The following SDC1 variants were observed in gnomAD, a reference collection of about 807,000 sequenced individuals.
SDC1 encodes the protein syndecan-1.
Under a neutral mutation model 29.7 loss-of-function variants are expected in SDC1, and 14 were observed. The observed-to-expected ratio is 0.47, with a 90% CI of 0.31 to 0.74. The LOEUF is 0.74. Ranked by LOEUF, SDC1 falls within the 30% of genes least tolerant of loss-of-function variation. SDC1 has a pLI of 0.05. For missense variants in SDC1, 406 were observed against 400.3 expected, an observed-to-expected ratio of 1.01 and a Z score of -0.12; for synonymous variants, 204 against 175.5, an observed-to-expected ratio of 1.16 and a Z score of -1.29.
chr2:20,206,377 G>A (rs1677272672), intron 1 of SDC1, among the ~76,000 whole-genome samples: 1 of 152,230 alleles, frequency 6.6e-6, no homozygotes, highest in South Asian at 2.1e-4. Flanking sequence ...CCGGGGGCGG[G>A]GGCGGGGAGG....
At chr2:20,220,323 A>C (rs1014540317) in intron 1 of SDC1, among the ~76,000 whole-genome samples, 1 of 152,144 alleles carries the variant, frequency 6.6e-6, no homozygotes. Context: ...GGGAGACTTG[A>C]CAGTCTTGCG....
At position 20,224,514 on chromosome 2, in the gene SDC1, T is replaced by G. The variant is rs1263470725; in HGVS notation, c.66+288A>C. ...GGGAACGGGCGACCCCGGGCGCCGCTGTGGGCTGGCGGGCTCCGACAGATG... is the reference window on the plus strand; with the variant it reads ...GGGAACGGGCGACCCCGGGCGCCGCGGTGGGCTGGCGGGCTCCGACAGATG... On this transcript the variant is annotated intron_variant, in intron 1 of 4. Coordinates refer to ENST00000254351, the MANE Select transcript of SDC1 (RefSeq NM_002997.5). The surrounding 1 kb of genome is among the most constrained non-coding windows in gnomAD (Gnocchi z 4.9). 4.6e-5 allele frequency among the ~76,000 whole-genome samples: 7 copies of G among 151,436 alleles called. No homozygotes were observed. Among genetic ancestry groups the G allele is most frequent in the South Asian group, 2.1e-4 (1 of 4,818 alleles).
intron 2 of SDC1, among the ~76,000 whole-genome samples, chr2:20,204,994 G>T (rs1193875021): frequency 6.6e-6 from 1 of 152,252 alleles, no homozygotes; most frequent in African/African-American, 2.4e-5. Flanking sequence ...TTTTGCAGAT[G>T]AGAAAACAGA....
chr2:20,211,677 G>A (rs1677469425), intron 1 of SDC1, among the ~76,000 whole-genome samples: 1 of 152,274 alleles, frequency 6.6e-6, no homozygotes, highest in South Asian at 2.1e-4. Context: ...TGACAGGCAG[G>A]TGGGCTCCGG....
chr2:20,220,768 C>A (rs1558438868), intron 1 of SDC1, among the ~76,000 whole-genome samples: 1 of 152,200 alleles, frequency 6.6e-6, no homozygotes, highest in Non-Finnish European at 1.5e-5. Flanking sequence ...GAGACTCAGT[C>A]CTGGGGCTCT....
rs112463253 is a variant in SDC1, at chr2:20,214,678, G to A, written c.67-9254C>T. 3.7e-3 allele frequency among the ~76,000 whole-genome samples: 558 copies of A among 152,362 alleles called. 6 individuals are homozygous for A. The highest frequency in any genetic ancestry group is 0.012 in the African/African-American group (517 of 41,582). ...AAAGCTCAGCATGACCCTAGGAAAG[G>A]GAAGTAGCCACATGCCTTGCCCAGA... On this transcript the variant is annotated intron_variant, in intron 1 of 4. Transcript: ENST00000254351.
intron 4 of SDC1, 52 bp from the exon 5 acceptor site, chr2:20,202,987 T>G: frequency 5.1e-6 from 8 of 1,575,978 alleles, no homozygotes; most frequent in Non-Finnish European, 6.9e-6. Context: ...TGGGCTCTGC[T>G]GCAGACCCTC....
intron 1 of SDC1, among the ~76,000 whole-genome samples, chr2:20,218,822 C>A (rs2148295855): frequency 6.6e-6 from 1 of 151,964 alleles, no homozygotes; most frequent in South Asian, 2.1e-4. Context: ...CACGCAGACA[C>A]ACACACACAC....
At chr2:20,204,755 G>A (rs988913930) in intron 2 of SDC1, among the ~76,000 whole-genome samples, 1 of 152,120 alleles carries the variant, frequency 6.6e-6, no homozygotes, top group African/African-American at 2.4e-5. Context: ...CCCCAGGGAT[G>A]ACCTCAGCCT....
rs543844909 is a variant in SDC1 at position 20,204,362 on chromosome 2, T to C, written c.149-71A>G. The C allele has an allele frequency of 8.9e-6, 5 of 562,716 alleles. No homozygotes were observed. In the South Asian group the frequency reaches 1.0e-4, roughly 11 times the overall value. The allele number at this position is 562,716 out of a possible 1,614,324, so 34.9% of individuals were successfully genotyped here. ...AGGACCAGAAGCAGAGTGTGTTGGGTGGGTCGGGGGAGGCTCCAGAGCACC... is the reference window on the plus strand; with the variant it reads ...AGGACCAGAAGCAGAGTGTGTTGGGCGGGTCGGGGGAGGCTCCAGAGCACC... On this transcript the variant is annotated intron_variant, in intron 2 of 4. Transcript: ENST00000254351.
Position 20,202,895 on chromosome 2 carries a change from C to T in SDC1, c.804G>A (p.Val268=). Residue 268 remains valine (V), a synonymous_variant, in exon 5 of 5, where the codon GTG becomes GTA. Coordinates refer to ENST00000254351, the MANE Select transcript of SDC1 (RefSeq NM_002997.5). ...AGGLVGLIFA[V]CLVGFMLYRM... ...GGTACAGCATGAAACCCACCAGGCA[C>T]ACAGCAAAGATGAGCCCCACGAGGC... is the stretch of plus-strand genomic sequence containing the variant. The T allele has an allele frequency of 6.2e-7, 1 of 1,613,650 alleles. No individual in the cohort carries two copies. Among genetic ancestry groups the T allele is most frequent in the Non-Finnish European group, 8.5e-7 (1 of 1,179,812 alleles).
intron 1 of SDC1, among the ~76,000 whole-genome samples, chr2:20,220,818 G>A (rs2148297410): frequency 6.6e-6 from 1 of 152,330 alleles, no homozygotes; most frequent in Non-Finnish European, 1.5e-5. Context: ...ACACAGTATG[G>A]ATGCACATTA....
rs190066264 is a variant in SDC1 at position 20,203,906 on chromosome 2, G to C, written c.534C>G (p.Pro178=). The C allele has an allele frequency of 6.2e-7, 1 of 1,613,910 alleles. No individual in the cohort carries two copies. The highest frequency in any genetic ancestry group is 2.2e-5 in the East Asian group (1 of 44,858). Residue 178 remains proline, a synonymous_variant, in exon 3 of 5, where the codon CCC becomes CCG. Transcript: ENST00000254351. The part of the protein sequence containing the change: ...AGPSQADLHT[P]HTEDGGPSAT... ...CAGAAGGACCTCCATCCTCTGTGTG[G>C]GGAGTGTGAAGGTCAGCTTGGCTGG... is the stretch of plus-strand genomic sequence containing the variant.
At chr2:20,204,367 C>CGGG (rs1677178905) in intron 2 of SDC1, 76 bp from the exon 3 acceptor site, 2 of 493,976 alleles carry the variant, frequency 4.0e-6, no homozygotes, top group Non-Finnish European at 3.4e-6. Context: ...TTGGGTGGGT[C>CGGG]GGGGGAGGCT....
chr2:20,223,232 C>G, intron 1 of SDC1: 1 of 1,301,550 alleles, frequency 7.7e-7, no homozygotes, highest in Non-Finnish European at 1.0e-6. Context: ...CTTTACACAT[C>G]GGTCTCAGAA....
Position 20,202,174 on chromosome 2 carries a change from A to G in SDC1, c.*592T>C, listed in dbSNP as rs956844531. The G allele has an allele frequency of 2.7e-5, 18 of 679,234 alleles. No individual in the cohort carries two copies. In the African/African-American group the frequency reaches 3.2e-4, roughly 12 times the overall value. 42.1% of individuals were successfully genotyped at this position (679,234 alleles called of 1,614,324 possible). Reference sequence around the variant, plus strand: ...GATTAGGGAAGCAAGATGGGGGGATACCGAATCAACTTACTTAACTTACCT... The same window carrying G: ...GATTAGGGAAGCAAGATGGGGGGATGCCGAATCAACTTACTTAACTTACCT... On this transcript the variant is annotated 3_prime_UTR_variant, in exon 5 of 5. Coordinates refer to ENST00000254351, the MANE Select transcript of SDC1 (RefSeq NM_002997.5).
chr2:20,203,310 G>A (rs1419369353), intron 3 of SDC1, 88 bp from the exon 4 acceptor site: 4 of 1,451,560 alleles, frequency 2.8e-6, no homozygotes, highest in East Asian at 2.4e-5. Flanking sequence ...AGCAGCTCCT[G>A]CCTCCCTGAT....
At position 20,205,148 on chromosome 2, in the gene SDC1, G is replaced by A. The variant is rs538158136; in HGVS notation, c.148+195C>T. ...CAGCCTTCACCTCACCTCCGAGCAT[G>A]AGCTCTCCTTAACCAGGCAGCTCAC... On this transcript the variant is annotated intron_variant, in intron 2 of 4. Transcript: ENST00000254351. 2.5e-3 allele frequency among the ~76,000 whole-genome samples: 381 copies of A among 152,318 alleles called. 1 individual carries two copies. The highest frequency in any genetic ancestry group is 9.0e-3 in the African/African-American group (373 of 41,570).
intron 3 of SDC1, 29 bp from the exon 4 acceptor site, chr2:20,203,251 G>A (rs759121842): frequency 1.3e-6 from 2 of 1,579,174 alleles, no homozygotes; most frequent in Admixed American, 3.4e-5. Context: ...AGATTGGGTT[G>A]GCCAGGTCAC....
Sources: allele counts gnomAD v4.1 joint callset (sites outside exome capture counted in the v4.1 genomes callset), GRCh38; gene constraint gnomAD v4.1.1; non-coding constraint Gnocchi (gnomAD v3.1); transcripts MANE v1.5; gene names NCBI Gene and HGNC (gene_info 2026-07-23, HGNC 2026-07-21).